The following PTK2B variants were observed in gnomAD, a reference collection of about 807,000 sequenced individuals.
The protein encoded by PTK2B is protein-tyrosine kinase 2-beta.
PTK2B carries 71 observed loss-of-function variants against 142.9 expected under a neutral mutation model. That is an observed-to-expected ratio of 0.50 (90% confidence interval 0.41 to 0.61). PTK2B has a LOEUF of 0.61. Ranked by LOEUF, PTK2B falls within the 20% of genes least tolerant of loss-of-function variation. The pLI, the probability that PTK2B is intolerant of heterozygous loss-of-function variation, is 0.00. For synonymous variants in PTK2B, 519 were observed against 503.4 expected (o/e 1.03, Z -0.42); for missense variants, 1,105 against 1,320.4 (o/e 0.84, Z 2.53).
At position 27,363,072 on chromosome 8, in the gene PTK2B, A is replaced by C. The variant is rs1196797380; in HGVS notation, c.-37-34476A>C. On this transcript the variant is annotated intron_variant, in intron 1 of 30. Transcript: ENST00000346049. The surrounding 1 kb of genome is among the most constrained non-coding windows in gnomAD (Gnocchi z 4.3). ...TTCTCGTCATGGTGGAAAATGACTA[A>C]AAACTCAGGATATCCCACTGGCCCT... Among the ~76,000 whole-genome samples the C allele has an allele frequency of 6.6e-6, 1 of 152,182 alleles. No homozygotes were observed. The highest frequency in any genetic ancestry group is 1.5e-5 in the Non-Finnish European group (1 of 68,022).
intron 1 of PTK2B, among the ~76,000 whole-genome samples, chr8:27,364,047 G>A (rs1230912150): frequency 6.6e-6 from 1 of 152,178 alleles, no homozygotes; most frequent in Non-Finnish European, 1.5e-5. Flanking sequence ...CAAACACCTG[G>A]CAAGGAGTCC....
At chr8:27,381,546 TC>T (rs1293174089) in intron 1 of PTK2B, among the ~76,000 whole-genome samples, 3 of 152,244 alleles carry the variant, frequency 2.0e-5, no homozygotes, top group Non-Finnish European at 4.4e-5. Context: ...TAGCACTCCA[TC>T]TGTTGATGGG....
chr8:27,341,642 C>T (rs1804407606), intron 1 of PTK2B, among the ~76,000 whole-genome samples: 1 of 152,112 alleles, frequency 6.6e-6, no homozygotes, highest in Non-Finnish European at 1.5e-5. Flanking sequence ...GAGTCAGTGG[C>T]ATCAGAATCA....
chr8:27,371,985 C>G (rs1806388665), intron 1 of PTK2B, among the ~76,000 whole-genome samples: 1 of 152,156 alleles, frequency 6.6e-6, no homozygotes, highest in Admixed American at 6.5e-5. Flanking sequence ...GCTAGGGACA[C>G]TCATATGTTC....
chr8:27,449,478 T>G (rs1041529563), intron 24 of PTK2B, among the ~76,000 whole-genome samples: 1 of 152,202 alleles, frequency 6.6e-6, no homozygotes, highest in Non-Finnish European at 1.5e-5. Flanking sequence ...TGGTAGGAAT[T>G]ATTGCTTGCT....
chr8:27,311,416 G>C, upstream of PTK2B: 2 of 752,730 alleles, frequency 2.7e-6, no homozygotes, highest in Non-Finnish European at 4.1e-6. Context: ...GGGGGCGCTC[G>C]GAGGAGCCCC....
chr8:27,371,052 C>T (rs1219135492), intron 1 of PTK2B, among the ~76,000 whole-genome samples: 2 of 152,068 alleles, frequency 1.3e-5, no homozygotes, highest in East Asian at 1.9e-4. Flanking sequence ...CTCGCCACCA[C>T]ACCTAGCTAA....
chr8:27,354,235 C>T (rs549527924), intron 1 of PTK2B, among the ~76,000 whole-genome samples: 2 of 152,270 alleles, frequency 1.3e-5, no homozygotes, highest in African/African-American at 2.4e-5. Context: ...CAAAGAATAA[C>T]TCTGATTAGT....
chr8:27,429,331 C>T lies in PTK2B; in HGVS notation c.552-762C>T, dbSNP rs79142641. ...CTTTTACCAGATATTTATAAGGATG[C>T]CCGAATTAAAGGAACACTGAATGAC... On this transcript the variant is annotated intron_variant, in intron 5 of 30. Transcript: ENST00000346049. 1.2e-3 allele frequency among the ~76,000 whole-genome samples: 184 copies of T among 152,262 alleles called. 3 individuals carry two copies. The East Asian group carries it at 0.02, about 16-fold the overall frequency.
intron 3 of PTK2B, among the ~76,000 whole-genome samples, chr8:27,315,266 T>C (rs947924435): frequency 2.0e-5 from 3 of 152,184 alleles, no homozygotes; most frequent in African/African-American, 7.2e-5. Context: ...ATCTCTCTTG[T>C]GGAAAGTGAG....
At chr8:27,447,669 G>A (rs1811551851) in intron 24 of PTK2B, among the ~76,000 whole-genome samples, 1 of 152,168 alleles carries the variant, frequency 6.6e-6, no homozygotes, top group Non-Finnish European at 1.5e-5. Flanking sequence ...GACCAGCCTG[G>A]CCATCATGGC....
chr8:27,373,156 CCAGGCCTAAACAT>C (rs1039927328), intron 1 of PTK2B, among the ~76,000 whole-genome samples: 2 of 152,032 alleles, frequency 1.3e-5, no homozygotes, highest in African/African-American at 4.8e-5. Context: ...GAAAAGACAC[CCAGGCCTAAACAT>C]CAGGGTCCTG....
chr8:27,440,334 G>A lies in PTK2B; in HGVS notation c.1932G>A (p.Leu644=). ...GGGTGCTGGAGAAAGGAGACCGGCT[G>A]CCCAAGCCTGATCTCTGTCCACCGG... ...VIGVLEKGDR[L]PKPDLCPPVL... The change falls in exon 21 of 31, where the codon CTG becomes CTA. Residue 644 remains leucine (L), a synonymous_variant. Coordinates refer to ENST00000346049, the MANE Select transcript of PTK2B (RefSeq NM_173176.3). 6.2e-7 allele frequency: 1 copy of A among 1,614,186 alleles called. No individual in the cohort carries two copies. Among genetic ancestry groups the A allele is most frequent in the Non-Finnish European group, 8.5e-7 (1 of 1,180,014 alleles).
At chr8:27,375,236 C>A (rs957188017) in intron 1 of PTK2B, among the ~76,000 whole-genome samples, 3 of 152,168 alleles carry the variant, frequency 2.0e-5, no homozygotes, top group Admixed American at 1.3e-4. Context: ...GTAGCACAGT[C>A]CCTGCCAGAC....
chr8:27,356,089 G>A (rs1387184662), intron 1 of PTK2B, among the ~76,000 whole-genome samples: 3 of 152,006 alleles, frequency 2.0e-5, no homozygotes, highest in Non-Finnish European at 4.4e-5. Context: ...CCGTCTGAGA[G>A]CCCTACTGGT....
chr8:27,435,638 C>G (rs1295759655), intron 13 of PTK2B, 105 bp from the exon 14 acceptor site: 2 of 1,367,924 alleles, frequency 1.5e-6, no homozygotes, highest in South Asian at 1.2e-5. Context: ...CTCCTCCTAC[C>G]CCCTTGGGCT....
At chr8:27,427,214 A>T (rs1218070900) in intron 5 of PTK2B, among the ~76,000 whole-genome samples, 1 of 152,188 alleles carries the variant, frequency 6.6e-6, no homozygotes, top group East Asian at 1.9e-4. Flanking sequence ...AGGAAACCTC[A>T]GCGTGAGCCT....
At chr8:27,394,949 C>A (rs568955383) in intron 1 of PTK2B, among the ~76,000 whole-genome samples, 1 of 152,290 alleles carries the variant, frequency 6.6e-6, no homozygotes, top group Non-Finnish European at 1.5e-5. Flanking sequence ...CTCCACATCT[C>A]GTCCCACTGG....
chr8:27,320,132 C>T (rs1803179584), intron 3 of PTK2B, among the ~76,000 whole-genome samples: 1 of 152,134 alleles, frequency 6.6e-6, no homozygotes, highest in South Asian at 2.1e-4. Flanking sequence ...GTGGTACCTG[C>T]GATTCAAACT....
Sources: allele counts gnomAD v4.1 joint callset (sites outside exome capture counted in the v4.1 genomes callset), GRCh38; gene constraint gnomAD v4.1.1; non-coding constraint Gnocchi (gnomAD v3.1); transcripts MANE v1.5; gene names NCBI Gene and HGNC (gene_info 2026-07-23, HGNC 2026-07-21).